The following RPS6KC1 variants were observed in gnomAD, a reference collection of about 807,000 sequenced individuals.
RPS6KC1 encodes inactive ribosomal protein S6 kinase delta-1.
RPS6KC1 carries 54 observed loss-of-function variants against 103.8 expected under a neutral mutation model. The ratio of observed to expected loss-of-function variants is 0.52; its 90% CI spans 0.42 to 0.65. The LOEUF is 0.65. Among genes scored for constraint, RPS6KC1 ranks in the 30% least tolerant of loss-of-function variants. The pLI is 0.00. For missense variants in RPS6KC1, 1,151 were observed against 1,253.8 expected (o/e 0.92, Z 1.24); for synonymous variants, 439 against 438.7 (o/e 1.00, Z -0.01).
the RPS6KC1 span, among the ~76,000 whole-genome samples, chr1:213,750,241 T>A: frequency 9.2e-5 from 14 of 152,242 alleles, no homozygotes; most frequent in Admixed American, 2.0e-4. Flanking sequence ...TTCCAGCCCC[T>A]GAAGGGCAAT....
the RPS6KC1 span, among the ~76,000 whole-genome samples, chr1:213,856,256 G>A: frequency 3.2e-3 from 488 of 152,248 alleles, no homozygotes; most frequent in African/African-American, 0.011. Flanking sequence ...ACTTCTCTAA[G>A]AAAAGCAGAG....
At chr1:213,358,076 G>A in the RPS6KC1 span, among the ~76,000 whole-genome samples, 5 of 152,244 alleles carry the variant, frequency 3.3e-5, no homozygotes, top group Admixed American at 6.5e-5. Context: ...GTTCATCAGG[G>A]ATATTGGTCT....
chr1:213,698,814 A>C, the RPS6KC1 span, among the ~76,000 whole-genome samples: 37 of 151,188 alleles, frequency 2.4e-4, no homozygotes, highest in South Asian at 4.2e-4. Context: ...TCTTTTCTTT[A>C]TTTGTTTTTA....
the RPS6KC1 span, among the ~76,000 whole-genome samples, chr1:213,483,651 A>G: frequency 6.6e-6 from 1 of 152,184 alleles, no homozygotes; most frequent in Non-Finnish European, 1.5e-5. Context: ...TGTGTCTTTC[A>G]AGAGATTTCA....
At chr1:213,684,082 G>A in the RPS6KC1 span, among the ~76,000 whole-genome samples, 2 of 152,174 alleles carry the variant, frequency 1.3e-5, no homozygotes, top group Admixed American at 1.3e-4. Context: ...CTTCCAAGCA[G>A]TCCAGTCTGC....
At chr1:213,626,306 A>T in the RPS6KC1 span, among the ~76,000 whole-genome samples, 2 of 152,024 alleles carry the variant, frequency 1.3e-5, no homozygotes, top group South Asian at 2.1e-4. Flanking sequence ...GTTTGAGTTC[A>T]TTGTAGATTC....
chr1:213,371,117 A>G, the RPS6KC1 span, among the ~76,000 whole-genome samples: 1 of 150,976 alleles, frequency 6.6e-6, no homozygotes, highest in Non-Finnish European at 1.5e-5. Flanking sequence ...CTTGCTCCTT[A>G]CCCCCAGCCC....
chr1:213,378,964 G>T, the RPS6KC1 span, among the ~76,000 whole-genome samples: 2 of 152,156 alleles, frequency 1.3e-5, no homozygotes, highest in Non-Finnish European at 2.9e-5. Context: ...GAAGGCTGAG[G>T]GGGAGAGAGT....
the RPS6KC1 span, among the ~76,000 whole-genome samples, chr1:213,452,984 C>T: frequency 6.6e-6 from 1 of 152,058 alleles, no homozygotes; most frequent in Non-Finnish European, 1.5e-5. Context: ...AGGATAGCAC[C>T]CTGCTAACAT....
At chr1:213,481,517 T>C in the RPS6KC1 span, among the ~76,000 whole-genome samples, 6 of 152,324 alleles carry the variant, frequency 3.9e-5, no homozygotes, top group South Asian at 1.2e-3. Flanking sequence ...CTTATTTCAA[T>C]ATGTTGGGTG....
the RPS6KC1 span, among the ~76,000 whole-genome samples, chr1:213,530,738 A>G: frequency 6.6e-6 from 1 of 152,200 alleles, no homozygotes; most frequent in South Asian, 2.1e-4. Flanking sequence ...ATGTTTCCCC[A>G]GATCTGCTTG....
At chr1:213,749,804 T>C in the RPS6KC1 span, among the ~76,000 whole-genome samples, 1 of 152,176 alleles carries the variant, frequency 6.6e-6, no homozygotes, top group East Asian at 1.9e-4. Context: ...ATCCCCAAAC[T>C]CGCACTTGGA....
the RPS6KC1 span, among the ~76,000 whole-genome samples, chr1:213,376,993 C>G: frequency 6.6e-6 from 1 of 152,194 alleles, no homozygotes; most frequent in African/African-American, 2.4e-5. Context: ...GACCACCTTG[C>G]ACTGGGGACC....
intron 12 of RPS6KC1, among the ~76,000 whole-genome samples, chr1:213,250,248 T>TG (rs2094523190): frequency 6.6e-6 from 1 of 151,942 alleles, no homozygotes; most frequent in Non-Finnish European, 1.5e-5. Context: ...GGGAGAAGAG[T>TG]GGGGGCCCCA....
chr1:213,602,927 CA>C, the RPS6KC1 span, among the ~76,000 whole-genome samples: 21 of 152,226 alleles, frequency 1.4e-4, 1 homozygote, highest in East Asian at 3.9e-3. Flanking sequence ...AGAGTTCTTG[CA>C]AATACAGAGG....
intron 3 of RPS6KC1, among the ~76,000 whole-genome samples, chr1:213,101,437 T>C (rs1232478613): frequency 2.0e-5 from 3 of 152,232 alleles, no homozygotes; most frequent in Admixed American, 6.5e-5. Context: ...AATTCATATC[T>C]GCTTGTCAAA....
At chr1:213,836,179 A>T in the RPS6KC1 span, 1 of 152,124 alleles carries the variant, frequency 6.6e-6, no homozygotes, top group East Asian at 1.9e-4. Context: ...AATAGTATCA[A>T]CAGAGTTAAG....
At chr1:213,489,217 T>C in the RPS6KC1 span, among the ~76,000 whole-genome samples, 1 of 152,124 alleles carries the variant, frequency 6.6e-6, no homozygotes, top group Non-Finnish European at 1.5e-5. Flanking sequence ...GTACAGTTGC[T>C]TAAGGAGGGC....
chr1:213,332,338 A>G, the RPS6KC1 span, among the ~76,000 whole-genome samples: 1 of 152,252 alleles, frequency 6.6e-6, no homozygotes, highest in African/African-American at 2.4e-5. Context: ...AGGAGGATTC[A>G]CAGTCCTTTT....
Sources: gnomAD v4.1 joint callset for allele counts (sites outside exome capture counted in the v4.1 genomes callset) on GRCh38, gnomAD v4.1.1 for gene constraint, MANE v1.5 for transcripts, NCBI Gene and HGNC (gene_info 2026-07-23, HGNC 2026-07-21) for gene names.